KRT4: variants seen among roughly 807,000 people sequenced by gnomAD.
KRT4 encodes keratin, type II cytoskeletal 4.
A neutral mutation model predicts 50.6 loss-of-function variants in KRT4; 47 were observed. The observed-to-expected ratio is 0.93, with a 90% CI of 0.73 to 1.18. The LOEUF is 1.18. KRT4 is among the 50% of genes most tolerant of loss of function. The pLI is 0.00. For synonymous variants in KRT4, 254 were observed against 251.2 expected, an observed-to-expected ratio of 1.01 and a Z score of -0.10; for missense variants, 651 against 645.7, an observed-to-expected ratio of 1.01 and a Z score of -0.09.
chr12:52,806,828 T>C lies in KRT4; in HGVS notation c.*241A>G, dbSNP rs1592308520. On this transcript the variant is annotated 3_prime_UTR_variant, in exon 9 of 9. Coordinates refer to ENST00000551956, the MANE Select transcript of KRT4 (RefSeq NM_002272.4). ...ATGGGAGGTGAGAGGTCAGCTGACA[T>C]CCTTCCCATTCCAGGTGGGTCACCA... 1.7e-6 allele frequency: 1 copy of C among 586,738 alleles called. No homozygotes were observed. The highest frequency in any genetic ancestry group is 3.1e-6 in the Non-Finnish European group (1 of 325,950). 36.3% of individuals were successfully genotyped at this position (586,738 alleles called of 1,614,324 possible).
rs368960750 is a variant in KRT4, at chr12:52,811,912, C to T, written c.528G>A (p.Thr176=). ...ETKWNLLQQQ[T]TTTSSKNLEP... is the part of the protein sequence containing the mutation. ...CAAGGTTTTTGCTGGAGGTGGTGGT[C>T]GTCTGCTGCTGGAGCAGGTTCCATT... The change falls in exon 2 of 9, where the codon ACG becomes ACA. Residue 176 remains threonine (T), a synonymous_variant. Coordinates refer to ENST00000551956, the MANE Select transcript of KRT4 (RefSeq NM_002272.4). 4 of 1,613,918 alleles carry T rather than the reference C, an allele frequency of 2.5e-6. No individual in the cohort carries two copies. Among genetic ancestry groups the T allele is most frequent in the Non-Finnish European group, 3.4e-6 (4 of 1,180,028 alleles).
In KRT4 at chr12:52,808,285, G is replaced by A. The variant is rs1939838011; in HGVS notation, c.1125+9C>T. ...CCTTGTGCTCCATCTGGAAGGGAGT[G>A]ACACCCACCTGCTTCTTGATGTTCT... is the stretch of plus-strand genomic sequence containing the variant. On this transcript the variant is annotated intron_variant, in intron 6 of 8. Transcript: ENST00000551956. The A allele has an allele frequency of 6.2e-7, 1 of 1,614,076 alleles. No individual in the cohort carries two copies. Among genetic ancestry groups the A allele is most frequent in the Non-Finnish European group, 8.5e-7 (1 of 1,180,014 alleles).
chr12:52,808,759 G>A lies in KRT4; in HGVS notation c.926C>T (p.Ala309Val). 1 of 1,614,162 alleles carries A rather than the reference G, an allele frequency of 6.2e-7. No homozygotes were observed. The highest frequency in any genetic ancestry group is 8.5e-7 in the Non-Finnish European group (1 of 1,180,012). The change falls in exon 5 of 9, where the codon GCC (alanine) becomes GTC (valine). Residue 309 changes from alanine to valine, a missense_variant. Ala to Val is a moderately conservative substitution (Grantham distance 64). Coordinates refer to ENST00000551956, the MANE Select transcript of KRT4 (RefSeq NM_002272.4). ...CTCCTCGTACTGGGCACGGACCTCG[G>A]CAATAATGCTGTCCAGGTCCAGGTT... ...NRNLDLDSIIAEVRAQYEEIA... is the reference protein window; with the variant it reads ...NRNLDLDSIIVEVRAQYEEIA...
At chr12:52,812,755 A>G (rs927009339) in intron 1 of KRT4, among the ~76,000 whole-genome samples, 2 of 152,240 alleles carry the variant, frequency 1.3e-5, no homozygotes, top group Non-Finnish European at 2.9e-5. Flanking sequence ...AAACCTCTTT[A>G]AGTTACTATG....
At chr12:52,808,162 C>G (rs750976173) in intron 6 of KRT4, 132 bp downstream of exon 6, 19 of 1,235,044 alleles carry the variant, frequency 1.5e-5, no homozygotes, top group Non-Finnish European at 2.2e-5. Context: ...GTATGCCTTG[C>G]ACAAAGAGCT....
intron 4 of KRT4, 137 bp downstream of exon 4, chr12:52,809,246 A>G: frequency 1.3e-6 from 1 of 755,106 alleles, no homozygotes; most frequent in South Asian, 1.4e-5. Flanking sequence ...AAACCTTTCT[A>G]TGCATGACCT....
intron 1 of KRT4, among the ~76,000 whole-genome samples, chr12:52,812,191 G>A (rs75099616): frequency 6.6e-6 from 1 of 152,192 alleles, no homozygotes; most frequent in African/African-American, 2.4e-5. Context: ...CACATAGGTT[G>A]TGGAGAATAG....
At chr12:52,809,178 C>A (rs984580690) in intron 4 of KRT4, 28 of 646,444 alleles carry the variant, frequency 4.3e-5, no homozygotes, top group Non-Finnish European at 6.9e-5. Context: ...CTAATCACCC[C>A]GTCTAAGACC....
At chr12:52,807,517 A>G in intron 7 of KRT4, 124 bp from the exon 8 acceptor site, 1 of 1,481,616 alleles carries the variant, frequency 6.7e-7, no homozygotes, top group Non-Finnish European at 9.4e-7. Context: ...TGAACCTATT[A>G]GCTGAGCTGT....
At chr12:52,810,712 A>G in intron 3 of KRT4, 44 bp downstream of exon 3, 1 of 1,539,544 alleles carries the variant, frequency 6.5e-7, no homozygotes, top group Non-Finnish European at 9.0e-7. Context: ...TCCCCAAGGG[A>G]AGGGGCACCC....
chr12:52,808,076 C>T (rs182862076), intron 6 of KRT4, among the ~76,000 whole-genome samples: 1 of 152,238 alleles, frequency 6.6e-6, no homozygotes, highest in Admixed American at 6.5e-5. Flanking sequence ...GAGCAAAAAC[C>T]CATGAAGAAG....
Position 52,813,478 on chromosome 12 carries a change from T to C in KRT4, c.462+119A>G, listed in dbSNP as rs148380193. The C allele has an allele frequency of 1.2e-3, 1,018 of 870,954 alleles. 7 individuals carry two copies. In the African/African-American group the frequency reaches 0.015, roughly 13 times the overall value. 54.0% of individuals were successfully genotyped at this position (870,954 alleles called of 1,614,324 possible). The stretch of plus-strand genomic sequence containing the variant: ...TGATGCCCCTTCAACAGCTGGAGAA[T>C]TGGGGCCCAGGGAAGTTCAGTGGTC... On this transcript the variant is annotated intron_variant, in intron 1 of 8. Coordinates refer to ENST00000551956, the MANE Select transcript of KRT4 (RefSeq NM_002272.4).
At position 52,808,814 on chromosome 12, in the gene KRT4, A is replaced by T. The variant is rs1939854968; in HGVS notation, c.871T>A (p.Ser291Thr). 1.9e-6 allele frequency: 3 copies of T among 1,614,230 alleles called. No individual in the cohort carries two copies. Among genetic ancestry groups the T allele is most frequent in the Non-Finnish European group, 2.5e-6 (3 of 1,180,032 alleles). ...SQMQTHVSDT[S>T]VVLSMDNNRN... ...TTGTTGTCCATGGAAAGGACCACGG[A>T]CGTGTCGCTGACATGGGTCTGCATC... The change falls in exon 5 of 9, where the codon TCC (serine) becomes ACC (threonine). Residue 291 changes from serine (S) to threonine (T), a missense_variant. By Grantham distance (58) the Ser-to-Thr change is moderately conservative (BLOSUM62 1). Coordinates refer to ENST00000551956, the MANE Select transcript of KRT4 (RefSeq NM_002272.4).
rs755988978 is a variant in KRT4 at position 52,814,087 on chromosome 12, A to G, written c.-29T>C. ...TGCAGAGAGCGAGCTGGGAGCTATC[A>G]GAGAAGTGACAGGGCCCAGGCCGGT... On this transcript the variant is annotated 5_prime_UTR_variant, in exon 1 of 9. Transcript: ENST00000551956. The G allele has an allele frequency of 4.3e-6, 7 of 1,613,730 alleles. No individual in the cohort carries two copies. Among genetic ancestry groups the G allele is most frequent in the Non-Finnish European group, 5.9e-6 (7 of 1,179,888 alleles).
chr12:52,807,303 G>A (rs1939816351), intron 8 of KRT4, 53 bp from the exon 9 acceptor site: 7 of 1,614,044 alleles, frequency 4.3e-6, no homozygotes, highest in Non-Finnish European at 4.2e-6. Context: ...AGCACCCCAG[G>A]GGTCTGGCAA....
chr12:52,807,219 GC>G lies in KRT4; in HGVS notation c.1412del (p.Gly471AlafsTer6). The G allele has an allele frequency of 6.2e-7, 1 of 1,614,200 alleles. No individual in the cohort carries two copies. The highest frequency in any genetic ancestry group is 8.5e-7 in the Non-Finnish European group (1 of 1,180,026). On this transcript the variant is annotated frameshift_variant, in exon 9 of 9. Coordinates refer to ENST00000551956, the MANE Select transcript of KRT4 (RefSeq NM_002272.4). LOFTEE classifies it low-confidence loss of function (END_TRUNC). ...AGCCACTTCCTAATCCTCCGCTGAT[GC>G]CTCCAGTGCTGGTGCTACCGCTGAC... ...SVVSGSTSTG[G>X]ISGGLGSGSG...
rs775442978 is a variant in KRT4, at chr12:52,810,765, G to A, written c.729C>T (p.Val243=). Residue 243 remains valine (V), a synonymous_variant, in exon 3 of 9, where the codon GTC becomes GTT. Transcript: ENST00000551956. Reference sequence around the variant, plus strand: ...ATCCTTCGTCTCTTACCTTCTTTAGGACCACAAAGTCATTCTCGGCTGCTG... The same window carrying A: ...ATCCTTCGTCTCTTACCTTCTTTAGAACCACAAAGTCATTCTCGGCTGCTG... ...KRTAAENDFV[V]LKKDVDAAYL... is the part of the protein sequence containing the mutation. 1.2e-6 allele frequency: 2 copies of A among 1,613,928 alleles called. No homozygotes were observed. Among genetic ancestry groups the A allele is most frequent in the Non-Finnish European group, 1.7e-6 (2 of 1,179,896 alleles).
Position 52,814,088 on chromosome 12 carries a change from G to A in KRT4, c.-30C>T. 4 of 1,613,874 alleles carry A rather than the reference G, an allele frequency of 2.5e-6. No homozygotes were observed. Among genetic ancestry groups the A allele is most frequent in the Non-Finnish European group, 3.4e-6 (4 of 1,179,912 alleles). ...GCAGAGAGCGAGCTGGGAGCTATCAGAGAAGTGACAGGGCCCAGGCCGGTG... is the reference window on the plus strand; with the variant it reads ...GCAGAGAGCGAGCTGGGAGCTATCAAAGAAGTGACAGGGCCCAGGCCGGTG... On this transcript the variant is annotated 5_prime_UTR_variant, in exon 1 of 9. Transcript: ENST00000551956.
At chr12:52,811,332 A>C (rs1299811552) in intron 2 of KRT4, 2 of 260,464 alleles carry the variant, frequency 7.7e-6, no homozygotes, top group Non-Finnish European at 1.5e-5. Context: ...AATTCTCACA[A>C]CCCATAAAGT....
Sources: allele counts gnomAD v4.1 joint callset (sites outside exome capture counted in the v4.1 genomes callset), GRCh38; gene constraint gnomAD v4.1.1; transcripts MANE v1.5; gene names NCBI Gene and HGNC (gene_info 2026-07-23, HGNC 2026-07-21).